NRG4: variants seen among roughly 807,000 people sequenced by gnomAD.
NRG4 encodes pro-neuregulin-4, membrane-bound isoform.
In NRG4, 10 loss-of-function variants were observed where a neutral mutation model predicts 15.0. The observed-to-expected ratio is 0.67, with a 90% CI of 0.41 to 1.13. The LOEUF is 1.13. NRG4 is among the 50% of genes most tolerant of loss of function. NRG4 has a pLI of 0.00. For synonymous variants in NRG4, 41 were observed against 50.1 expected, an observed-to-expected ratio of 0.82 and a Z score of 0.77; for missense variants, 139 against 140.2, an observed-to-expected ratio of 0.99 and a Z score of 0.04.
At chr15:75,962,117 T>G (rs58044283) in intron 3 of NRG4, 143 bp from the exon 4 acceptor site, 14,005 of 553,478 alleles carry the variant, frequency 0.025, 371 homozygotes, top group African/African-American at 0.095. Flanking sequence ...TTTCCTATAA[T>G]GCTCACAGAT....
chr15:75,993,557 AG>A (rs1311771688), intron 3 of NRG4, among the ~76,000 whole-genome samples: 1 of 151,920 alleles, frequency 6.6e-6, no homozygotes, highest in Non-Finnish European at 1.5e-5. Context: ...AAAATTAGCC[AG>A]GCTGCATGCC....
chr15:76,028,749 C>A (rs889779249), intron 5 of NRG4, among the ~76,000 whole-genome samples: 1 of 151,588 alleles, frequency 6.6e-6, no homozygotes, highest in African/African-American at 2.4e-5. Flanking sequence ...AAAATACACA[C>A]ATTAGCCAGG....
Position 75,956,030 on chromosome 15 carries a change from G to C in NRG4, c.252-19C>G, listed in dbSNP as rs200049291. The C allele has an allele frequency of 2.5e-5, 37 of 1,477,814 alleles. No homozygotes were observed. The African/African-American group carries it at 3.7e-4, about 15-fold the overall frequency. The allele number at this position is 1,477,814 out of a possible 1,614,324, so 91.5% of individuals were successfully genotyped here. A position where few individuals can be genotyped will look rare whatever the true frequency, so the allele number is the denominator to read the frequency against. On this transcript the variant is annotated intron_variant, in intron 4 of 5. Coordinates refer to ENST00000394907, the MANE Select transcript of NRG4 (RefSeq NM_138573.4). The stretch of plus-strand genomic sequence containing the variant: ...GCCTTTCCTGACAATAAAGAGGAGA[G>C]AAACACAAAAATGGAAGTGTAATAG...
rs539033284 is a variant in NRG4 at position 75,995,454 on chromosome 15, G to A, written c.104+13746C>T. Among the ~76,000 whole-genome samples, 182 of 152,162 alleles carry A rather than the reference G, an allele frequency of 1.2e-3. 1 individual carries two copies. Among genetic ancestry groups the A allele is most frequent in the African/African-American group, 4.1e-3 (170 of 41,516 alleles). ...TAGAGCAAGAACTCATTACCATGAG[G>A]AGGGCACCAAGCCATTCATAAAGGG... On this transcript the variant is annotated intron_variant, in intron 3 of 5. Transcript: ENST00000394907.
At chr15:75,974,012 G>C (rs1404765167) in intron 3 of NRG4, among the ~76,000 whole-genome samples, 1 of 152,006 alleles carries the variant, frequency 6.6e-6, no homozygotes, top group East Asian at 1.9e-4. Context: ...TTTTTTTGGT[G>C]GGTAGGCTAT....
intron 3 of NRG4, among the ~76,000 whole-genome samples, chr15:75,972,245 G>A (rs2033130152): frequency 6.6e-6 from 1 of 152,058 alleles, no homozygotes; most frequent in Non-Finnish European, 1.5e-5. Context: ...ATTTGTTTAA[G>A]TTCCTTATGG....
intron 5 of NRG4, among the ~76,000 whole-genome samples, chr15:75,954,996 C>T (rs1282116989): frequency 3.3e-5 from 5 of 152,048 alleles, no homozygotes; most frequent in Non-Finnish European, 7.3e-5. Context: ...TACTCTACCC[C>T]GTGCCCCGTG....
chr15:75,963,518 G>A (rs182795684), intron 3 of NRG4, among the ~76,000 whole-genome samples: 174 of 152,128 alleles, frequency 1.1e-3, no homozygotes, highest in African/African-American at 4.0e-3. Flanking sequence ...GGTGGCTCAC[G>A]CTTGTAATCC....
At chr15:76,014,429 C>A (rs755822040), upstream of NRG4, among the ~76,000 whole-genome samples, 4 of 152,096 alleles carry the variant, frequency 2.6e-5, no homozygotes, top group Non-Finnish European at 4.4e-5. Context: ...ATATCTGTGT[C>A]CTGAATGGTA....
chr15:75,947,061 G>A (rs1270199629), intron 5 of NRG4, among the ~76,000 whole-genome samples: 1 of 152,154 alleles, frequency 6.6e-6, no homozygotes. Flanking sequence ...AGGGGCGACC[G>A]TGCTGTCAAC....
At chr15:75,983,005 T>G (rs975962536) in intron 3 of NRG4, among the ~76,000 whole-genome samples, 1 of 152,136 alleles carries the variant, frequency 6.6e-6, no homozygotes, top group African/African-American at 2.4e-5. Context: ...AAGGAAACCA[T>G]GCTTATCAGA....
At chr15:75,987,665 C>G (rs945723183) in intron 3 of NRG4, among the ~76,000 whole-genome samples, 1 of 152,170 alleles carries the variant, frequency 6.6e-6, no homozygotes, top group African/African-American at 2.4e-5. Context: ...CTTGGACTTC[C>G]CATCCTCCAG....
chr15:75,939,306 C>T (rs770078259), downstream of NRG4: 7 of 152,020 alleles, frequency 4.6e-5, no homozygotes, highest in Admixed American at 1.3e-4. Flanking sequence ...AGAATACCTT[C>T]GACAATCTAG....
chr15:75,995,402 T>G (rs578101472), intron 3 of NRG4, among the ~76,000 whole-genome samples: 1 of 151,990 alleles, frequency 6.6e-6, no homozygotes, highest in South Asian at 2.1e-4. Flanking sequence ...CAGACTCTTT[T>G]AAACAATCAG....
intron 3 of NRG4, among the ~76,000 whole-genome samples, chr15:75,989,904 G>A (rs74024044): frequency 0.04 from 6,089 of 152,144 alleles, 217 homozygotes; most frequent in African/African-American, 0.094. Flanking sequence ...TTTGGGAGAC[G>A]AAGTTACTTG....
chr15:75,935,796 C>G (rs888552628), downstream of NRG4: 1 of 151,102 alleles, frequency 6.6e-6, no homozygotes, highest in Non-Finnish European at 1.5e-5. Context: ...TGAGAACTTT[C>G]TTTTTTTTTG....
Position 75,961,817 on chromosome 15 carries a change from A to G in NRG4, c.251+11T>C. ...TTACTTTTCTCAAAAGCATGTTTCT[A>G]TTTTACTTACCTGCAAAGGAAGTAG... On this transcript the variant is annotated intron_variant, in intron 4 of 5. Coordinates refer to ENST00000394907, the MANE Select transcript of NRG4 (RefSeq NM_138573.4). The G allele has an allele frequency of 6.3e-7, 1 of 1,599,352 alleles. No homozygotes were observed.
At chr15:76,048,199 C>T (rs1032310289) in intron 4 of NRG4, among the ~76,000 whole-genome samples, 8 of 149,190 alleles carry the variant, frequency 5.4e-5, no homozygotes, top group East Asian at 3.9e-4. Flanking sequence ...AGGCTGGGCA[C>T]GGTAGCTCAT....
rs1254736924 is a variant in NRG4 at position 75,942,631 on chromosome 15, C to CACTT, written c.*1003_*1006dup. The CACTT allele has an allele frequency of 6.6e-6, 1 of 152,182 alleles. No homozygotes were observed. The highest frequency in any genetic ancestry group is 6.5e-5 in the Admixed American group (1 of 15,272). The allele number at this position is 152,182 out of a possible 1,614,324, so 9.4% of individuals were successfully genotyped here. ...CACTAGTGACCCACTGAATTCACAG[C>CACTT]ACTTACACTGGGCCAGACTGTGTAG... On this transcript the variant is annotated 3_prime_UTR_variant, in exon 6 of 6. Coordinates refer to ENST00000394907, the MANE Select transcript of NRG4 (RefSeq NM_138573.4).
Sources: gnomAD v4.1 joint callset for allele counts (sites outside exome capture counted in the v4.1 genomes callset) on GRCh38, gnomAD v4.1.1 for gene constraint, MANE v1.5 for transcripts, NCBI Gene and HGNC (gene_info 2026-07-23, HGNC 2026-07-21) for gene names.